ZBTB18: variants seen among roughly 807,000 people sequenced by gnomAD.
The protein encoded by ZBTB18 is zinc finger and BTB domain containing 18, also known as zinc finger and BTB domain-containing protein 18.
In ZBTB18, 2 loss-of-function variants were observed where a neutral mutation model predicts 37.7. That is an observed-to-expected ratio of 0.05 (90% CI 0.02 to 0.17). The LOEUF is 0.17. Among genes scored for constraint, ZBTB18 ranks in the 10% least tolerant of loss-of-function variants. ZBTB18 has a pLI of 1.00. For synonymous variants in ZBTB18, 304 were observed against 276.5 expected (o/e 1.10, Z -0.99); for missense variants, 408 against 686.3 (o/e 0.59, Z 4.53).
Position 244,053,726 on chromosome 1 carries a change from G to A in ZBTB18, c.14-62G>A. ...AAGCGGAATTAATTTTTTTATATGG[G>A]GACTGGAGCGCTGAAAAGTTGTTCC... On this transcript the variant is annotated intron_variant, in intron 1 of 1. Transcript: ENST00000358704. The surrounding 1 kb of genome is among the most constrained non-coding windows in gnomAD (Gnocchi z 5.2). 6.5e-7 allele frequency: 1 copy of A among 1,543,432 alleles called. No homozygotes were observed. The highest frequency in any genetic ancestry group is 8.7e-7 in the Non-Finnish European group (1 of 1,147,592).
At chr1:244,048,953 C>CGCG (rs907420612), upstream of ZBTB18, 34 of 158,084 alleles carry the variant, frequency 2.2e-4, no homozygotes, top group African/African-American at 2.5e-4. Context: ...AGGCGGAGGA[C>CGCG]GCGGCGGCGG....
chr1:244,056,008 A>G lies in ZBTB18; in HGVS notation c.*638A>G, dbSNP rs889224430. 1 of 167,064 alleles carries G rather than the reference A, an allele frequency of 6.0e-6. No homozygotes were observed. Among genetic ancestry groups the G allele is most frequent in the African/African-American group, 2.4e-5 (1 of 41,450 alleles). 10.3% of individuals were successfully genotyped at this position (167,064 alleles called of 1,614,324 possible). The stretch of plus-strand genomic sequence containing the variant: ...GAAGGTTTGCTTGGGATGAAAAAGG[A>G]TATTGCAGCTTCAGCAGTGTTGAAC... On this transcript the variant is annotated 3_prime_UTR_variant, in exon 2 of 2. Coordinates refer to ENST00000358704, the MANE Select transcript of ZBTB18 (RefSeq NM_205768.3).
chr1:244,048,824 G>A (rs990209960), upstream of ZBTB18: 1 of 148,784 alleles, frequency 6.7e-6, no homozygotes, highest in Admixed American at 6.7e-5. Flanking sequence ...GGGGCGGGGG[G>A]GAGCGGGCGA....
chr1:244,048,628 G>GC (rs1325001619), upstream of ZBTB18, among the ~76,000 whole-genome samples: 14,464 of 79,310 alleles, frequency 0.18, 2,458 homozygotes, highest in African/African-American at 0.34. Context: ...CCCCGCGCCC[G>GC]CCCCCCCCCC....
upstream of ZBTB18, among the ~76,000 whole-genome samples, chr1:244,050,434 A>ACCCCCC (rs5782283): frequency 1.5e-5 from 2 of 133,708 alleles, no homozygotes; most frequent in Non-Finnish European, 1.6e-5. Context: ...CATTAGAGTG[A>ACCCCCC]CCCCCCCCCA....
chr1:244,054,184 C>G lies in ZBTB18; in HGVS notation c.410C>G (p.Thr137Ser). 1 of 1,614,080 alleles carries G rather than the reference C, an allele frequency of 6.2e-7. No homozygotes were observed. The highest frequency in any genetic ancestry group is 8.5e-7 in the Non-Finnish European group (1 of 1,180,002). ...KEKATTEADS[T>S]KKEEDASSCS... ...AAAGCCACCACGGAGGCAGACAGCA[C>G]CAAAAAGGAAGAAGATGCTTCAAGT... Residue 137 changes from threonine to serine, a missense_variant, in exon 2 of 2, where the codon ACC becomes AGC. Transcript: ENST00000358704. The surrounding 1 kb of genome is among the most constrained non-coding windows in gnomAD (Gnocchi z 9.0).
chr1:244,051,340 C>A lies in ZBTB18; in HGVS notation c.-92C>A. ...TCATTCCTCTCTAACATCATCTCCA[C>A]TTTGCATCTGTCTCTCTTAGTCTGC... On this transcript the variant is annotated 5_prime_UTR_variant, in exon 1 of 2. Transcript: ENST00000358704. 7.1e-7 allele frequency: 1 copy of A among 1,412,246 alleles called. No homozygotes were observed. The allele number at this position is 1,412,246 out of a possible 1,614,324, so 87.5% of individuals were successfully genotyped here. A position where few individuals can be genotyped will look rare whatever the true frequency, so the allele number is the denominator to read the frequency against.
chr1:244,054,002 C>T lies in ZBTB18; in HGVS notation c.228C>T (p.Ser76=), dbSNP rs202227336. Residue 76 remains serine (S), a synonymous_variant, in exon 2 of 2, where the codon AGC becomes AGT. Coordinates refer to ENST00000358704, the MANE Select transcript of ZBTB18 (RefSeq NM_205768.3). The surrounding 1 kb of genome is among the most constrained non-coding windows in gnomAD (Gnocchi z 9.0). ...LDKRDIVHLN[S]DIVTAPAFAL... ...AAAGAGACATTGTTCATCTGAACAG[C>T]GACATTGTTACAGCCCCCGCTTTCG... The T allele has an allele frequency of 1.2e-5, 20 of 1,614,038 alleles. No homozygotes were observed. In the East Asian group the frequency reaches 1.3e-4, roughly 11 times the overall value.
chr1:244,050,045 A>T (rs1698317206), upstream of ZBTB18, among the ~76,000 whole-genome samples: 3 of 152,340 alleles, frequency 2.0e-5, no homozygotes, highest in South Asian at 6.2e-4. Flanking sequence ...GTTCATAATT[A>T]TGTCACTCAC....
At chr1:244,049,576 T>TA (rs1698308053), upstream of ZBTB18, among the ~76,000 whole-genome samples, 1 of 152,132 alleles carries the variant, frequency 6.6e-6, no homozygotes, top group Admixed American at 6.5e-5. Context: ...GGCTGCTTCT[T>TA]ACGACTTTTC....
At chr1:244,051,240 T>C (rs1337059219), upstream of ZBTB18, 1 of 555,890 alleles carries the variant, frequency 1.8e-6, no homozygotes. Context: ...GCTGACAGCC[T>C]GCCATCCCTC....
chr1:244,048,940 AGG>A, upstream of ZBTB18: 12 of 157,940 alleles, frequency 7.6e-5, no homozygotes, highest in East Asian at 1.9e-4. Flanking sequence ...GAGGAGGAGG[AGG>A]AGGCGGAGGA....
At chr1:244,052,345 C>T (rs1416180923) in intron 1 of ZBTB18, among the ~76,000 whole-genome samples, 3 of 152,182 alleles carry the variant, frequency 2.0e-5, no homozygotes, top group African/African-American at 7.2e-5. Context: ...CTGTGGGGCA[C>T]TTAAAGTGAT....
upstream of ZBTB18, among the ~76,000 whole-genome samples, chr1:244,049,683 G>A (rs1270571566): frequency 6.6e-6 from 1 of 152,184 alleles, no homozygotes; most frequent in African/African-American, 2.4e-5. Flanking sequence ...CTTCCCTGTG[G>A]TTTTAACCTT....
In ZBTB18 at chr1:244,054,207, A is replaced by G. The variant is rs750088228; in HGVS notation, c.433A>G (p.Ser145Gly). ...DSTKKEEDAS[S>G]CSDKVESLSD... is the part of the protein sequence containing the mutation. Reference sequence around the variant, plus strand: ...CACCAAAAAGGAAGAAGATGCTTCAAGTTGTTCGGACAAAGTCGAGAGTCT... The same window carrying G: ...CACCAAAAAGGAAGAAGATGCTTCAGGTTGTTCGGACAAAGTCGAGAGTCT... Residue 145 changes from serine (S) to glycine (G), a missense_variant, in exon 2 of 2, where the codon AGT becomes GGT. By Grantham distance (56) the Ser-to-Gly change is moderately conservative (BLOSUM62 0). Coordinates refer to ENST00000358704, the MANE Select transcript of ZBTB18 (RefSeq NM_205768.3). This position sits in a 1 kb window ranked among gnomAD's most constrained non-coding sequence, Gnocchi z 9.0. 7.4e-6 allele frequency: 12 copies of G among 1,614,062 alleles called. No homozygotes were observed. The highest frequency in any genetic ancestry group is 9.3e-6 in the Non-Finnish European group (11 of 1,180,036).
upstream of ZBTB18, among the ~76,000 whole-genome samples, chr1:244,048,655 C>G (rs1572526295): frequency 6.7e-6 from 1 of 148,158 alleles, no homozygotes. Context: ...GCCCCCCCAC[C>G]CGGCCCGGCG....
In ZBTB18 at chr1:244,057,273, T is replaced by C. The variant is rs1175915620; in HGVS notation, c.*1903T>C. On this transcript the variant is annotated 3_prime_UTR_variant, in exon 2 of 2. Transcript: ENST00000358704. ...CTTTTGGATTTTCTTTTTGTGGTCA[T>C]TGTGAGTGATTGCTTTTTCCTTTTC... The C allele has an allele frequency of 1.8e-5, 3 of 167,110 alleles. No homozygotes were observed. The highest frequency in any genetic ancestry group is 4.4e-5 in the Non-Finnish European group (3 of 68,136). 10.4% of individuals were successfully genotyped at this position (167,110 alleles called of 1,614,324 possible). A position where few individuals can be genotyped will look rare whatever the true frequency, so the allele number is the denominator to read the frequency against.
upstream of ZBTB18, among the ~76,000 whole-genome samples, chr1:244,049,400 C>T (rs1325828429): frequency 1.4e-5 from 2 of 146,384 alleles, no homozygotes; most frequent in East Asian, 2.1e-4. Flanking sequence ...GCTGCAGTGG[C>T]GCCCGGGACG....
chr1:244,054,874 A>G lies in ZBTB18; in HGVS notation c.1100A>G (p.Tyr367Cys). 1 of 1,614,080 alleles carries G rather than the reference A, an allele frequency of 6.2e-7. No individual in the cohort carries two copies. Among genetic ancestry groups the G allele is most frequent in the Non-Finnish European group, 8.5e-7 (1 of 1,180,000 alleles). The change falls in exon 2 of 2, where the codon TAC becomes TGC. Residue 367 changes from tyrosine (Y) to cysteine (C), a missense_variant. Coordinates refer to ENST00000358704, the MANE Select transcript of ZBTB18 (RefSeq NM_205768.3). The surrounding 1 kb of genome is among the most constrained non-coding windows in gnomAD (Gnocchi z 9.0). The part of the protein sequence containing the change: ...EGGMESSLLP[Y>C]VSNILSPAGQ... The stretch of plus-strand genomic sequence containing the variant: ...GGCATGGAGAGCAGTCTGCTCCCCT[A>G]CGTCTCCAACATCCTGAGCCCCGCG...
Sources: allele counts gnomAD v4.1 joint callset (sites outside exome capture counted in the v4.1 genomes callset), GRCh38; gene constraint gnomAD v4.1.1; non-coding constraint Gnocchi (gnomAD v3.1); transcripts MANE v1.5; gene names NCBI Gene and HGNC (gene_info 2026-07-23, HGNC 2026-07-21).